Variants in COL25A1 observed in about 807,000 individuals in gnomAD.
COL25A1 encodes the protein collagen type XXV alpha 1 chain.
In COL25A1, 103 loss-of-function variants were observed where a neutral mutation model predicts 128.4. The observed-to-expected ratio is 0.80, with a 90% CI of 0.68 to 0.94. The LOEUF (loss-of-function observed/expected upper bound fraction) is 0.94, where lower values mean the gene tolerates loss of function less well. Among genes scored for constraint, COL25A1 ranks in the 40% least tolerant of loss-of-function variants. COL25A1 has a pLI of 0.00. For synonymous variants in COL25A1, 279 were observed against 277.2 expected, an observed-to-expected ratio of 1.01 and a Z score of -0.06; for missense variants, 745 against 840.0, an observed-to-expected ratio of 0.89 and a Z score of 1.40.
chr4:108,878,998 T>C (rs1739783997), intron 19 of COL25A1, among the ~76,000 whole-genome samples: 2 of 152,208 alleles, frequency 1.3e-5, no homozygotes, highest in Non-Finnish European at 2.9e-5. Flanking sequence ...GCTTCAGAAG[T>C]TTTTCTCTGC....
chr4:109,104,384 T>C (rs1002206658), intron 3 of COL25A1, among the ~76,000 whole-genome samples: 2 of 130,162 alleles, frequency 1.5e-5, no homozygotes, highest in Non-Finnish European at 3.2e-5. Flanking sequence ...AAAAAATAAA[T>C]AAATAAAAAG....
chr4:108,946,674 G>C (rs1166030758), intron 8 of COL25A1, among the ~76,000 whole-genome samples: 1 of 152,116 alleles, frequency 6.6e-6, no homozygotes, highest in African/African-American at 2.4e-5. Context: ...ATCATACAGA[G>C]TGATAAGTAT....
intron 13 of COL25A1, among the ~76,000 whole-genome samples, chr4:108,912,241 T>C (rs1319917648): frequency 6.6e-6 from 1 of 152,152 alleles, no homozygotes; most frequent in Non-Finnish European, 1.5e-5. Context: ...ATATCTGTAA[T>C]AGGAAATGAT....
chr4:108,910,991 G>A lies in COL25A1; in HGVS notation c.780+7181C>T, dbSNP rs75908614. ...GGCTACCCCTTGGCAATGTGGCCTG[G>A]TGTCAAATAAATGGAACGGGGTAGA... On this transcript the variant is annotated intron_variant, in intron 13 of 37. Transcript: ENST00000399132. Among the ~76,000 whole-genome samples the A allele has an allele frequency of 4.6e-3, 699 of 152,268 alleles. 14 individuals are homozygous for A. The East Asian group carries it at 0.062, about 13-fold the overall frequency.
chr4:109,229,396 T>C lies in COL25A1; in HGVS notation c.367+71187A>G, dbSNP rs186217394. ...TCGGCAACCATTCAATACATAACCT[T>C]GCTTCATGTATGTTTTTGTTTAAAG... On this transcript the variant is annotated intron_variant, in intron 3 of 37. Transcript: ENST00000399132. Among the ~76,000 whole-genome samples the C allele has an allele frequency of 5.3e-5, 8 of 152,334 alleles. No individual in the cohort carries two copies. In the East Asian group the frequency reaches 1.5e-3, roughly 29 times the overall value.
At chr4:109,148,158 G>A (rs1423165563) in intron 3 of COL25A1, among the ~76,000 whole-genome samples, 1 of 152,164 alleles carries the variant, frequency 6.6e-6, no homozygotes, top group Admixed American at 6.5e-5. Context: ...TGTTCAGTGA[G>A]AATGTTTCAG....
chr4:109,245,100 C>T (rs901484482), intron 3 of COL25A1, among the ~76,000 whole-genome samples: 1 of 151,908 alleles, frequency 6.6e-6, no homozygotes, highest in Non-Finnish European at 1.5e-5. Flanking sequence ...TTTAAGTGAC[C>T]ATATTATATA....
rs566630699 is a variant in COL25A1 at position 109,018,129 on chromosome 4, A to C, written c.421-7754T>G. On this transcript the variant is annotated intron_variant, in intron 5 of 37. Coordinates refer to ENST00000399132, the MANE Select transcript of COL25A1 (RefSeq NM_198721.4). Reference sequence around the variant, plus strand: ...TAAAGCTTTAGAACCACCTCAAAAAACTCTGAGCAGCTGCAGGATTGTTCT... The same window carrying C: ...TAAAGCTTTAGAACCACCTCAAAAACCTCTGAGCAGCTGCAGGATTGTTCT... Among the ~76,000 whole-genome samples, 4 of 151,872 alleles carry C rather than the reference A, an allele frequency of 2.6e-5. No homozygotes were observed. In the South Asian group the frequency reaches 8.4e-4, roughly 32 times the overall value.
chr4:108,861,757 A>G (rs1737249912), intron 22 of COL25A1, among the ~76,000 whole-genome samples: 1 of 151,986 alleles, frequency 6.6e-6, no homozygotes, highest in African/African-American at 2.4e-5. Context: ...AAGGTTCTTT[A>G]AAACAGCCTT....
intron 3 of COL25A1, among the ~76,000 whole-genome samples, chr4:109,058,082 T>G (rs892641907): frequency 6.6e-6 from 1 of 152,216 alleles, no homozygotes; most frequent in Non-Finnish European, 1.5e-5. Context: ...ATCTAGATAA[T>G]AAATATAGTA....
intron 3 of COL25A1, among the ~76,000 whole-genome samples, chr4:109,111,827 T>C (rs770777604): frequency 7.2e-5 from 11 of 152,194 alleles, no homozygotes; most frequent in Non-Finnish European, 8.8e-5. Context: ...ATTTATGTTA[T>C]ATCCACAATA....
In COL25A1 at chr4:109,003,696, G is replaced by A. The variant is rs552829105; in HGVS notation, c.438+6662C>T. ...GACGCCTATAATCCCAGCTACTCTGGAGGCTGACACATGAGAATAGTTTGA... is the reference window on the plus strand; with the variant it reads ...GACGCCTATAATCCCAGCTACTCTGAAGGCTGACACATGAGAATAGTTTGA... On this transcript the variant is annotated intron_variant, in intron 6 of 37. Coordinates refer to ENST00000399132, the MANE Select transcript of COL25A1 (RefSeq NM_198721.4). 2.8e-4 allele frequency among the ~76,000 whole-genome samples: 43 copies of A among 152,282 alleles called. 1 individual carries two copies. The highest frequency in any genetic ancestry group is 9.6e-4 in the African/African-American group (40 of 41,556).
chr4:109,090,484 A>G (rs1267971302), intron 3 of COL25A1, among the ~76,000 whole-genome samples: 1 of 152,194 alleles, frequency 6.6e-6, no homozygotes, highest in African/African-American at 2.4e-5. Context: ...GAAACTATGA[A>G]AGTGCTTTCA....
intron 3 of COL25A1, among the ~76,000 whole-genome samples, chr4:109,239,420 A>ATATATG (rs1553965400): frequency 0.02 from 2,464 of 123,980 alleles, 37 homozygotes; most frequent in Non-Finnish European, 0.03. Context: ...ATATATATAT[A>ATATATG]TATTTATTTA....
chr4:109,149,951 T>G (rs1394657539), intron 3 of COL25A1, among the ~76,000 whole-genome samples: 1 of 151,910 alleles, frequency 6.6e-6, no homozygotes, highest in Non-Finnish European at 1.5e-5. Flanking sequence ...TATGTGTGTG[T>G]GTGTGTGTAC....
intron 3 of COL25A1, among the ~76,000 whole-genome samples, chr4:109,227,729 T>C (rs1778901064): frequency 1.3e-5 from 2 of 152,204 alleles, no homozygotes; most frequent in South Asian, 4.1e-4. Context: ...AAAATGATAT[T>C]CAGCTTCCTG....
intron 19 of COL25A1, among the ~76,000 whole-genome samples, chr4:108,876,096 A>C (rs1739413003): frequency 6.6e-6 from 1 of 152,086 alleles, no homozygotes; most frequent in African/African-American, 2.4e-5. Flanking sequence ...TAGCGTTAGG[A>C]GAAATACCTA....
intron 5 of COL25A1, among the ~76,000 whole-genome samples, chr4:109,042,239 A>C (rs938947704): frequency 6.6e-6 from 1 of 152,086 alleles, no homozygotes; most frequent in Admixed American, 6.6e-5. Flanking sequence ...GCTCTCTACA[A>C]ACATGGAAGC....
At chr4:109,255,275 G>A (rs1780999472) in intron 3 of COL25A1, among the ~76,000 whole-genome samples, 3 of 151,982 alleles carry the variant, frequency 2.0e-5, no homozygotes, top group Admixed American at 2.0e-4. Flanking sequence ...TCTATTTCAA[G>A]GGTAACTTCA....
Sources: gnomAD v4.1 joint callset for allele counts (sites outside exome capture counted in the v4.1 genomes callset) on GRCh38, gnomAD v4.1.1 for gene constraint, MANE v1.5 for transcripts, NCBI Gene and HGNC (gene_info 2026-07-23, HGNC 2026-07-21) for gene names.